Variants in PTTG1IP2 observed in about 807,000 individuals in gnomAD.
PTTG1IP2 encodes the protein PTTG1IP family member 2.
intron 1 of PTTG1IP2, among the ~76,000 whole-genome samples, chr7:90,478,629 T>G (rs1350133810): frequency 6.6e-6 from 1 of 152,210 alleles, no homozygotes; most frequent in Admixed American, 6.5e-5. Context: ...ACTAGGACAT[T>G]AATTCCAGAC....
intron 6 of PTTG1IP2, among the ~76,000 whole-genome samples, chr7:90,498,444 C>A (rs1798022615): frequency 6.6e-6 from 1 of 152,156 alleles, no homozygotes; most frequent in Non-Finnish European, 1.5e-5. Context: ...TCTTTAAGGA[C>A]ACACATAAAC....
At chr7:90,483,017 C>T (rs1298779659) in intron 2 of PTTG1IP2, among the ~76,000 whole-genome samples, 1 of 152,060 alleles carries the variant, frequency 6.6e-6, no homozygotes, top group East Asian at 1.9e-4. Flanking sequence ...GAGATGCTCA[C>T]TTTGATATTT....
intron 2 of PTTG1IP2, among the ~76,000 whole-genome samples, chr7:90,484,932 G>T (rs1451400969): frequency 6.6e-6 from 1 of 152,200 alleles, no homozygotes; most frequent in East Asian, 1.9e-4. Flanking sequence ...ACTGCCAGCA[G>T]ATCTAACCCA....
chr7:90,498,201 A>G (rs554522908), intron 6 of PTTG1IP2, among the ~76,000 whole-genome samples: 3 of 152,078 alleles, frequency 2.0e-5, no homozygotes, highest in Admixed American at 1.3e-4. Flanking sequence ...AATTTTTTGT[A>G]TTTTTAGTAG....
chr7:90,492,148 A>T (rs1444910082), intron 4 of PTTG1IP2, 91 bp from the exon 5 acceptor site: 2 of 152,196 alleles, frequency 1.3e-5, no homozygotes, highest in African/African-American at 2.4e-5. Flanking sequence ...ATAAAAAAAT[A>T]AAAAAAGTAG....
chr7:90,484,320 T>A (rs1394471311), intron 2 of PTTG1IP2, among the ~76,000 whole-genome samples: 1 of 152,120 alleles, frequency 6.6e-6, no homozygotes, highest in Non-Finnish European at 1.5e-5. Context: ...TTATTATGTA[T>A]CTTCCCACTT....
At chr7:90,500,036 A>G (rs1373678718) in intron 6 of PTTG1IP2, among the ~76,000 whole-genome samples, 1 of 151,620 alleles carries the variant, frequency 6.6e-6, no homozygotes, top group East Asian at 2.0e-4. Flanking sequence ...CAACATGGTG[A>G]AACCCCATCT....
At position 90,492,308 on chromosome 7, in the gene PTTG1IP2, T is replaced by C. The variant is rs1797947893; in HGVS notation, c.450T>C (p.Thr150=). Residue 150 remains threonine (T), a splice_region_variant and synonymous_variant, in exon 5 of 7, where the codon ACT becomes ACC. Transcript: ENST00000509356. ...TTCCTATTCACGACCGCAGTGCTACTGGCAAGTGTTTTCGTTTATTTGATG... is the reference window on the plus strand; with the variant it reads ...TTCCTATTCACGACCGCAGTGCTACCGGCAAGTGTTTTCGTTTATTTGATG... The part of the protein sequence containing the change: ...ETVPIHDRSA[T]VYDE 1 of 151,838 alleles carries C rather than the reference T, an allele frequency of 6.6e-6. No homozygotes were observed. The highest frequency in any genetic ancestry group is 1.5e-5 in the Non-Finnish European group (1 of 67,840). The allele number at this position is 151,838 out of a possible 1,614,324, so 9.4% of individuals were successfully genotyped here. A position where few individuals can be genotyped will look rare whatever the true frequency, so the allele number is the denominator to read the frequency against.
chr7:90,478,617 C>T (rs1329973606), intron 1 of PTTG1IP2, among the ~76,000 whole-genome samples: 1 of 152,160 alleles, frequency 6.6e-6, no homozygotes, highest in Non-Finnish European at 1.5e-5. Context: ...TATCACAAAA[C>T]AACTAGGACA....
chr7:90,498,785 T>A (rs1055669824), intron 6 of PTTG1IP2, among the ~76,000 whole-genome samples: 3 of 152,222 alleles, frequency 2.0e-5, no homozygotes, highest in Admixed American at 2.0e-4. Context: ...TATTTTAATA[T>A]CTGGTAATGG....
chr7:90,504,389 T>G (rs1798101010), intron 6 of PTTG1IP2, among the ~76,000 whole-genome samples: 1 of 152,122 alleles, frequency 6.6e-6, no homozygotes, highest in Non-Finnish European at 1.5e-5. Context: ...GAGCGTAATT[T>G]TCACCTAGAA....
chr7:90,486,041 C>T lies in PTTG1IP2; in HGVS notation c.193-1286C>T, dbSNP rs537807886. Among the ~76,000 whole-genome samples the T allele has an allele frequency of 1.1e-4, 16 of 152,282 alleles. No homozygotes were observed. In the South Asian group the frequency reaches 2.7e-3, roughly 26 times the overall value. ...ATTTGACTGAATGGCTTGATTTGAC[C>T]GTTAATCTTGTCCAGTGTGAAACAA... On this transcript the variant is annotated intron_variant, in intron 2 of 6. Transcript: ENST00000509356.
intron 1 of PTTG1IP2, among the ~76,000 whole-genome samples, chr7:90,477,930 T>C (rs1797768283): frequency 6.6e-6 from 1 of 151,506 alleles, no homozygotes. Flanking sequence ...ACCCCATCTC[T>C]ACTGAAAATA....
intron 6 of PTTG1IP2, among the ~76,000 whole-genome samples, chr7:90,499,725 A>AG (rs1798039820): frequency 6.6e-6 from 1 of 152,034 alleles, no homozygotes; most frequent in South Asian, 2.1e-4. Flanking sequence ...CTGGAACTAC[A>AG]GGCGCATGCA....
chr7:90,476,417 C>T (rs1242307147), intron 1 of PTTG1IP2, among the ~76,000 whole-genome samples: 2 of 152,022 alleles, frequency 1.3e-5, no homozygotes, highest in South Asian at 2.1e-4. Flanking sequence ...AGAGTAAAAA[C>T]ATATTAGGAT....
chr7:90,485,296 G>A (rs1243290782), intron 2 of PTTG1IP2, among the ~76,000 whole-genome samples: 1 of 152,058 alleles, frequency 6.6e-6, no homozygotes, highest in Non-Finnish European at 1.5e-5. Flanking sequence ...AAATGCTCCT[G>A]GCAAAATAAT....
At chr7:90,511,923 A>G (rs779002613) in intron 6 of PTTG1IP2, among the ~76,000 whole-genome samples, 1 of 152,222 alleles carries the variant, frequency 6.6e-6, no homozygotes, top group Non-Finnish European at 1.5e-5. Context: ...CCTTCCACTC[A>G]GCCTGGGCAT....
At chr7:90,497,432 C>T (rs938184438) in intron 6 of PTTG1IP2, among the ~76,000 whole-genome samples, 8 of 151,674 alleles carry the variant, frequency 5.3e-5, no homozygotes, top group African/African-American at 1.5e-4. Flanking sequence ...GGCGTGGCGG[C>T]GGGCGCCTGT....
intron 1 of PTTG1IP2, 94 bp downstream of exon 1, chr7:90,470,025 C>T (rs905008514): frequency 1.3e-5 from 2 of 152,612 alleles, no homozygotes; most frequent in African/African-American, 4.8e-5. Context: ...GAATTTTCAT[C>T]TCAAAAGTTG....
Sources: gnomAD v4.1 joint callset for allele counts (sites outside exome capture counted in the v4.1 genomes callset) on GRCh38, gnomAD v4.1.1 for gene constraint, MANE v1.5 for transcripts, NCBI Gene and HGNC (gene_info 2026-07-23, HGNC 2026-07-21) for gene names.